The following SHANK2 variants were observed in gnomAD, a reference collection of about 807,000 sequenced individuals.
The protein encoded by SHANK2 is SH3 and multiple ankyrin repeat domains protein 2.
In SHANK2, 43 loss-of-function variants were observed where a neutral mutation model predicts 133.7. The ratio of observed to expected loss-of-function variants is 0.32; its 90% CI spans 0.25 to 0.41. The LOEUF (loss-of-function observed/expected upper bound fraction) is 0.41. Among genes scored for constraint, SHANK2 ranks in the 10% least tolerant of loss-of-function variants. SHANK2 has a pLI of 1.00. For missense variants in SHANK2, 1,994 were observed against 2,235.8 expected (o/e 0.89, Z 2.18); for synonymous variants, 1,017 against 952.8 (o/e 1.07, Z -1.24).
At chr11:70,665,651 CAG>C (rs1376741274) in intron 15 of SHANK2, among the ~76,000 whole-genome samples, 2 of 152,236 alleles carry the variant, frequency 1.3e-5, no homozygotes, top group Non-Finnish European at 2.9e-5. Flanking sequence ...CTTTCACTGG[CAG>C]ACAGACATGG....
chr11:70,533,371 T>C (rs2135986828), intron 17 of SHANK2, among the ~76,000 whole-genome samples: 1 of 152,340 alleles, frequency 6.6e-6, no homozygotes, highest in South Asian at 2.1e-4. Context: ...ATTACAGGTG[T>C]GAGCCACTGT....
intron 17 of SHANK2, among the ~76,000 whole-genome samples, chr11:70,527,147 G>A (rs1200104442): frequency 1.3e-5 from 2 of 152,218 alleles, no homozygotes; most frequent in Non-Finnish European, 2.9e-5. Flanking sequence ...TGGTCTGGGC[G>A]GGCCCTGTGT....
intron 14 of SHANK2, among the ~76,000 whole-genome samples, chr11:70,708,463 C>T (rs890506976): frequency 1.3e-5 from 2 of 152,160 alleles, no homozygotes; most frequent in East Asian, 1.9e-4. Flanking sequence ...AATCAGTCCC[C>T]GCACTCCCCC....
In SHANK2 at chr11:71,083,275, G is replaced by A. The variant is rs898098257; in HGVS notation, c.913-8000C>T. Among the ~76,000 whole-genome samples the A allele has an allele frequency of 1.2e-3, 181 of 152,238 alleles. 1 individual carries two copies. The highest frequency in any genetic ancestry group is 4.0e-3 in the African/African-American group (168 of 41,548). Reference sequence around the variant, plus strand: ...TTTACTTCTAATGATGACGTCAGACGTGGCCACATGATGATGACAATGATG... The same window carrying A: ...TTTACTTCTAATGATGACGTCAGACATGGCCACATGATGATGACAATGATG... On this transcript the variant is annotated intron_variant, in intron 8 of 25. Transcript: ENST00000601538.
intron 14 of SHANK2, among the ~76,000 whole-genome samples, chr11:70,711,665 C>T (rs993666607): frequency 7.2e-5 from 11 of 152,044 alleles, no homozygotes; most frequent in Non-Finnish European, 1.3e-4. Context: ...TGGGACCCAC[C>T]GCGAGGGGGA....
chr11:70,783,665 G>A (rs1353567391), intron 14 of SHANK2, among the ~76,000 whole-genome samples: 1 of 152,102 alleles, frequency 6.6e-6, no homozygotes, highest in Non-Finnish European at 1.5e-5. Flanking sequence ...GTTATCCTGG[G>A]GAGGGAGCTG....
chr11:70,755,125 G>A (rs1318924196), intron 14 of SHANK2, among the ~76,000 whole-genome samples: 14 of 151,162 alleles, frequency 9.3e-5, no homozygotes, highest in Non-Finnish European at 2.1e-4. Flanking sequence ...AGGCTGGAGT[G>A]CAGTGGCGTG....
chr11:71,206,405 T>C (rs907521643), intron 2 of SHANK2, among the ~76,000 whole-genome samples: 1 of 152,078 alleles, frequency 6.6e-6, no homozygotes, highest in Admixed American at 6.5e-5. Context: ...GAATTAACAC[T>C]GGAATGCGGA....
At chr11:70,477,966 C>G (rs35180589) in intron 25 of SHANK2, among the ~76,000 whole-genome samples, 2,284 of 152,276 alleles carry the variant, frequency 0.015, 28 homozygotes, top group Middle Eastern at 0.031. Context: ...AACACAGACA[C>G]ATATACACAC....
chr11:70,552,371 G>A (rs1422205060), intron 17 of SHANK2, among the ~76,000 whole-genome samples: 3 of 152,202 alleles, frequency 2.0e-5, no homozygotes, highest in South Asian at 2.1e-4. Flanking sequence ...TGGAACACTC[G>A]TGCACCAAGC....
At chr11:71,228,088 G>C (rs144620895) in intron 1 of SHANK2, among the ~76,000 whole-genome samples, 78 of 152,154 alleles carry the variant, frequency 5.1e-4, no homozygotes, top group African/African-American at 1.8e-3. Flanking sequence ...TAAAGACCCT[G>C]CAGACATGAA....
intron 3 of SHANK2, 67 bp downstream of exon 3, chr11:71,147,053 C>G: frequency 7.4e-7 from 1 of 1,345,150 alleles, no homozygotes; most frequent in Non-Finnish European, 1.0e-6. Context: ...CCAGAGCAGG[C>G]CTCTGGCGTT....
At chr11:70,520,918 ACTTC>A (rs2059322292) in intron 17 of SHANK2, among the ~76,000 whole-genome samples, 7 of 152,110 alleles carry the variant, frequency 4.6e-5, no homozygotes, top group African/African-American at 1.7e-4. Flanking sequence ...TTTTTTGACC[ACTTC>A]CTTCCTTTCC....
chr11:70,579,052 C>T (rs899803869), intron 17 of SHANK2, among the ~76,000 whole-genome samples: 15 of 152,240 alleles, frequency 9.9e-5, no homozygotes, highest in Non-Finnish European at 1.8e-4. Context: ...CAGGTGAGAA[C>T]GAGGCCTGTG....
chr11:71,235,487 G>A (rs892949617), intron 1 of SHANK2, among the ~76,000 whole-genome samples: 7 of 151,860 alleles, frequency 4.6e-5, no homozygotes, highest in African/African-American at 1.2e-4. Flanking sequence ...CCAGCTACTC[G>A]GGAGGCTGAG....
intron 12 of SHANK2, among the ~76,000 whole-genome samples, chr11:70,818,862 G>A (rs1948458685): frequency 1.3e-5 from 2 of 152,230 alleles, no homozygotes. Context: ...CCCAAAGCCT[G>A]GGCTGCTGGT....
chr11:70,877,433 CT>C (rs146588035), intron 11 of SHANK2, among the ~76,000 whole-genome samples: 4,511 of 152,332 alleles, frequency 0.03, 237 homozygotes, highest in African/African-American at 0.1. Flanking sequence ...GCAGAACACC[CT>C]TCCCCTGCCT....
intron 17 of SHANK2, among the ~76,000 whole-genome samples, chr11:70,610,285 T>C (rs1229505118): frequency 1.3e-5 from 2 of 152,156 alleles, no homozygotes; most frequent in African/African-American, 4.8e-5. Context: ...TTGCCTGTTC[T>C]TAGGCTTGTT....
At chr11:71,120,122 T>C (rs1168949555) in intron 3 of SHANK2, among the ~76,000 whole-genome samples, 1 of 152,006 alleles carries the variant, frequency 6.6e-6, no homozygotes. Context: ...TGCAAACCAA[T>C]CACAACACTT....
Sources: allele counts gnomAD v4.1 joint callset (sites outside exome capture counted in the v4.1 genomes callset), GRCh38; gene constraint gnomAD v4.1.1; transcripts MANE v1.5; gene names NCBI Gene and HGNC (gene_info 2026-07-23, HGNC 2026-07-21).